ADGRD1: variants seen among roughly 807,000 people sequenced by gnomAD.
The protein encoded by ADGRD1 is adhesion G protein-coupled receptor D1, also known as G-protein coupled receptor 133.
Under a neutral mutation model 113.4 loss-of-function variants are expected in ADGRD1, and 77 were observed. The ratio of observed to expected loss-of-function variants is 0.68; its 90% confidence interval spans 0.57 to 0.82. ADGRD1 has a LOEUF of 0.82. Ranked by LOEUF, ADGRD1 falls within the 40% of genes least tolerant of loss-of-function variation. ADGRD1 has a pLI of 0.00. For synonymous variants in ADGRD1, 474 were observed against 475.0 expected (o/e 1.00, Z 0.03); for missense variants, 1,036 against 1,139.1 (o/e 0.91, Z 1.30).
chr12:131,011,323 C>T lies in ADGRD1; in HGVS notation c.1332-2876C>T, dbSNP rs1407675113. On this transcript the variant is annotated intron_variant, in intron 12 of 24. Coordinates refer to ENST00000261654, the MANE Select transcript of ADGRD1 (RefSeq NM_198827.5). The stretch of plus-strand genomic sequence containing the variant: ...ACCAAACTGGGCCTGGTGGAGGCCA[C>T]GTGTTCCCGGAGCGGAATCCAGGAA... Among the ~76,000 whole-genome samples the T allele has an allele frequency of 4.6e-5, 7 of 151,888 alleles. No individual in the cohort carries two copies. The Middle Eastern group carries it at 0.02, about 443-fold the overall frequency.
At chr12:131,039,323 C>A (rs1881876662) in intron 13 of ADGRD1, among the ~76,000 whole-genome samples, 1 of 152,268 alleles carries the variant, frequency 6.6e-6, no homozygotes, top group Admixed American at 6.5e-5. Context: ...CCACCAGGAC[C>A]CTCACGGGGT....
intron 13 of ADGRD1, among the ~76,000 whole-genome samples, chr12:131,030,124 ATACG>A (rs1880510391): frequency 1.4e-5 from 1 of 71,492 alleles, no homozygotes; most frequent in African/African-American, 6.4e-5. Flanking sequence ...TGGACCCTTC[ATACG>A]GTGACATTCC....
intron 14 of ADGRD1, 22 bp downstream of exon 14, chr12:131,076,896 G>T (rs1460673410): frequency 1.2e-6 from 2 of 1,605,272 alleles, no homozygotes; most frequent in African/African-American, 2.7e-5. Context: ...ACAGGGGAGA[G>T]CAGGTGGGCA....
intron 13 of ADGRD1, among the ~76,000 whole-genome samples, chr12:131,061,146 C>T (rs1413862661): frequency 6.6e-6 from 1 of 152,180 alleles, no homozygotes; most frequent in Non-Finnish European, 1.5e-5. Flanking sequence ...GACCTGCAGT[C>T]AGGAGCCCCG....
chr12:130,997,095 C>A (rs1418934639), intron 8 of ADGRD1, among the ~76,000 whole-genome samples: 46 of 123,096 alleles, frequency 3.7e-4, no homozygotes, highest in Non-Finnish European at 6.2e-4. Context: ...CGGGCAGAGG[C>A]ACCCCTCACC....
chr12:131,019,361 G>T (rs924601312), intron 13 of ADGRD1, among the ~76,000 whole-genome samples: 1 of 152,194 alleles, frequency 6.6e-6, no homozygotes, highest in Non-Finnish European at 1.5e-5. Flanking sequence ...TCTGGACAGG[G>T]ATGCTACCCA....
intron 15 of ADGRD1, among the ~76,000 whole-genome samples, chr12:131,092,761 G>C (rs1222032593): frequency 6.6e-6 from 1 of 152,194 alleles, no homozygotes; most frequent in South Asian, 2.1e-4. Context: ...GTCATGAACC[G>C]TGGTCTGAAG....
chr12:130,968,793 C>T (rs1204389630), intron 3 of ADGRD1: 1 of 584,248 alleles, frequency 1.7e-6, no homozygotes, highest in African/African-American at 1.9e-5. Flanking sequence ...AGTGGCCGAG[C>T]TGCTGACCAA....
At chr12:131,099,114 C>T (rs537566240) in intron 15 of ADGRD1, among the ~76,000 whole-genome samples, 4 of 152,320 alleles carry the variant, frequency 2.6e-5, no homozygotes, top group East Asian at 1.9e-4. Context: ...TGTCGGGCCC[C>T]GGGGATTCAG....
Position 131,118,369 on chromosome 12 carries a change from C to G in ADGRD1, c.2042-16C>G. On this transcript the variant is annotated splice_polypyrimidine_tract_variant and intron_variant, in intron 18 of 24. Coordinates refer to ENST00000261654, the MANE Select transcript of ADGRD1 (RefSeq NM_198827.5). ...AACTGGAGCAAGTGAACATGATATT[C>G]TCCAATCTTCTGCAGGTTTTCCTCT... 6.3e-7 allele frequency: 1 copy of G among 1,596,632 alleles called. No individual in the cohort carries two copies. Among genetic ancestry groups the G allele is most frequent in the East Asian group, 2.2e-5 (1 of 44,696 alleles).
chr12:131,014,321 TC>T lies in ADGRD1; in HGVS notation c.1456del (p.His486ThrfsTer6). 1 of 1,613,894 alleles carries T rather than the reference TC, an allele frequency of 6.2e-7. No homozygotes were observed. The highest frequency in any genetic ancestry group is 8.5e-7 in the Non-Finnish European group (1 of 1,179,882). On this transcript the variant is annotated frameshift_variant, in exon 13 of 25. Transcript: ENST00000261654. LOFTEE classifies it high-confidence loss of function. The stretch of plus-strand genomic sequence containing the variant: ...CTGTCGGGCTCTCCACTCATTACGG[TC>T]CACCTCAAGCACAGATTGGTGAGTG... ...QNLSGSPLITVHLKHRLTRKQ... is the reference protein window; with the variant it reads ...QNLSGSPLITXHLKHRLTRKQ...
chr12:131,024,384 G>T (rs1167217689), intron 13 of ADGRD1: 1 of 152,254 alleles, frequency 6.6e-6, no homozygotes, highest in Non-Finnish European at 1.5e-5. Context: ...AGCCACCAGG[G>T]TTTCCAGTGT....
At chr12:131,135,661 C>T (rs780010421) in intron 21 of ADGRD1, among the ~76,000 whole-genome samples, 11 of 152,116 alleles carry the variant, frequency 7.2e-5, no homozygotes, top group African/African-American at 1.7e-4. Context: ...CTGGACGCTG[C>T]GGGGGATGCT....
At chr12:130,997,488 G>A (rs1295410286) in intron 8 of ADGRD1, among the ~76,000 whole-genome samples, 3 of 151,336 alleles carry the variant, frequency 2.0e-5, no homozygotes, top group South Asian at 2.1e-4. Context: ...CTTCTCAGAC[G>A]GGGCGGCTGG....
At chr12:131,071,809 C>T (rs998531156) in intron 13 of ADGRD1, among the ~76,000 whole-genome samples, 8 of 152,076 alleles carry the variant, frequency 5.3e-5, no homozygotes, top group African/African-American at 7.2e-5. Flanking sequence ...CCGCCTCGCC[C>T]GGCTTCTGGT....
chr12:130,966,864 C>G lies in ADGRD1; in HGVS notation c.187+318C>G. 2.4e-6 allele frequency: 1 copy of G among 424,756 alleles called. No individual in the cohort carries two copies. 26.3% of individuals were successfully genotyped at this position (424,756 alleles called of 1,614,324 possible). ...TCAAGCTCCTGGCCTCAGCAATCCT[C>G]TGGCCTTGGCCTCCCAAAGTGCTGG... On this transcript the variant is annotated intron_variant, in intron 3 of 24. Coordinates refer to ENST00000261654, the MANE Select transcript of ADGRD1 (RefSeq NM_198827.5). This position sits in a 1 kb window ranked among gnomAD's most constrained non-coding sequence, Gnocchi z 4.6.
intron 13 of ADGRD1, chr12:131,026,249 G>T (rs944778536): frequency 1.3e-5 from 2 of 152,242 alleles, no homozygotes; most frequent in Non-Finnish European, 2.9e-5. Flanking sequence ...GCCTTTCCCG[G>T]TGCCCTCCAG....
At chr12:131,046,634 C>A (rs1177704941) in intron 13 of ADGRD1, among the ~76,000 whole-genome samples, 1 of 137,642 alleles carries the variant, frequency 7.3e-6, no homozygotes, top group Non-Finnish European at 1.6e-5. Context: ...GCAGTGTCCT[C>A]CCTGGTCAGT....
intron 8 of ADGRD1, among the ~76,000 whole-genome samples, chr12:130,999,407 ATT>A (rs1359740578): frequency 6.6e-6 from 1 of 152,216 alleles, no homozygotes; most frequent in Non-Finnish European, 1.5e-5. Context: ...TCCCTATTTC[ATT>A]AATTCTTAAG....
Sources: allele counts gnomAD v4.1 joint callset (sites outside exome capture counted in the v4.1 genomes callset), GRCh38; gene constraint gnomAD v4.1.1; non-coding constraint Gnocchi (gnomAD v3.1); transcripts MANE v1.5; gene names NCBI Gene and HGNC (gene_info 2026-07-23, HGNC 2026-07-21).